Variants in DNAJC5 observed in about 807,000 individuals in gnomAD.
DNAJC5 encodes DnaJ heat shock protein family (Hsp40) member C5.
In DNAJC5, 1 loss-of-function variant was observed where a neutral mutation model predicts 23.2. The ratio of observed to expected loss-of-function variants is 0.04; its 90% CI spans 0.02 to 0.20. The LOEUF (loss-of-function observed/expected upper bound fraction) is 0.20, where lower values mean the gene tolerates loss of function less well. DNAJC5 is among the 10% of genes least tolerant of loss of function. DNAJC5 has a pLI of 1.00. For synonymous variants in DNAJC5, 136 were observed against 120.0 expected (o/e 1.13, Z -0.87); for missense variants, 180 against 267.0 (o/e 0.67, Z 2.27).
At chr20:63,904,245 A>G (rs992622707) in intron 1 of DNAJC5, among the ~76,000 whole-genome samples, 2 of 152,298 alleles carry the variant, frequency 1.3e-5, no homozygotes, top group African/African-American at 4.8e-5. Context: ...AGCACAAATA[A>G]TGTCATCATA....
chr20:63,897,982 C>T (rs1204526200), intron 1 of DNAJC5, among the ~76,000 whole-genome samples: 1 of 152,210 alleles, frequency 6.6e-6, no homozygotes, highest in Non-Finnish European at 1.5e-5. Flanking sequence ...AGGCATTTTT[C>T]CTCAGTTCCC....
intron 1 of DNAJC5, among the ~76,000 whole-genome samples, chr20:63,901,107 G>C (rs2053408465): frequency 6.6e-6 from 1 of 152,208 alleles, no homozygotes; most frequent in African/African-American, 2.4e-5. Flanking sequence ...TGGAATTACA[G>C]GCGTGTGCCA....
At chr20:63,914,929 T>G (rs1210633128) in intron 1 of DNAJC5, among the ~76,000 whole-genome samples, 1 of 152,174 alleles carries the variant, frequency 6.6e-6, no homozygotes, top group African/African-American at 2.4e-5. Flanking sequence ...GTGTGTAGCT[T>G]TTGTAAAAGT....
intron 1 of DNAJC5, among the ~76,000 whole-genome samples, chr20:63,921,157 C>T (rs903133923): frequency 5.3e-5 from 8 of 152,206 alleles, no homozygotes; most frequent in Admixed American, 5.2e-4. Flanking sequence ...TGGGGTTTCT[C>T]CATGTTGGTC....
Position 63,931,131 on chromosome 20 carries a change from G to A in DNAJC5, c.493+109G>A, listed in dbSNP as rs931497629. 4.8e-5 allele frequency: 58 copies of A among 1,219,222 alleles called. No individual in the cohort carries two copies. The highest frequency in any genetic ancestry group is 6.7e-5 in the Non-Finnish European group (57 of 850,466). The allele number at this position is 1,219,222 out of a possible 1,614,324, so 75.5% of individuals were successfully genotyped here. On this transcript the variant is annotated intron_variant, in intron 4 of 4. Coordinates refer to ENST00000360864, the MANE Select transcript of DNAJC5 (RefSeq NM_025219.3). The surrounding 1 kb of genome is among the most constrained non-coding windows in gnomAD (Gnocchi z 9.6). ...CAGGAGGGCACTGACACTGTGCCGC[G>A]AGTGTTTGTGGTGGCAGCTGGGACT...
chr20:63,916,078 C>T (rs552902306), intron 1 of DNAJC5, among the ~76,000 whole-genome samples: 33 of 152,240 alleles, frequency 2.2e-4, no homozygotes, highest in African/African-American at 6.5e-4. Flanking sequence ...GGATTACAGG[C>T]GTGCACCACC....
rs565192822 is a variant in DNAJC5 at position 63,932,044 on chromosome 20, T to C, written c.*476T>C. On this transcript the variant is annotated 3_prime_UTR_variant, in exon 5 of 5. Transcript: ENST00000360864. The surrounding 1 kb of genome is among the most constrained non-coding windows in gnomAD (Gnocchi z 4.4). ...TGGCCTCGGGGTCTGGTCCACACTCTGTGCTCCCAGCCTTGAGGCTGCAGT... is the reference window on the plus strand; with the variant it reads ...TGGCCTCGGGGTCTGGTCCACACTCCGTGCTCCCAGCCTTGAGGCTGCAGT... 3.7e-5 allele frequency: 10 copies of C among 266,838 alleles called. No homozygotes were observed. The South Asian group carries it at 3.8e-4, about 10-fold the overall frequency. 16.5% of individuals were successfully genotyped at this position (266,838 alleles called of 1,614,324 possible). A position where few individuals can be genotyped will look rare whatever the true frequency, so the allele number is the denominator to read the frequency against.
intron 1 of DNAJC5, among the ~76,000 whole-genome samples, chr20:63,902,358 C>CTTTTTTT (rs34309020): frequency 1.2e-5 from 1 of 83,328 alleles, no homozygotes; most frequent in Non-Finnish European, 2.2e-5. Flanking sequence ...CTGGCCTCAT[C>CTTTTTTT]TTTTTTTTTT....
rs1467545495 is a variant in DNAJC5, at chr20:63,931,441, G to A, written c.494-24G>A. 6 of 1,538,880 alleles carry A rather than the reference G, an allele frequency of 3.9e-6. No homozygotes were observed. The highest frequency in any genetic ancestry group is 1.4e-5 in the African/African-American group (1 of 73,052). On this transcript the variant is annotated intron_variant, in intron 4 of 4. Transcript: ENST00000360864. The surrounding 1 kb of genome is among the most constrained non-coding windows in gnomAD (Gnocchi z 9.6). Reference sequence around the variant, plus strand: ...CGCGCCAGGCTGTGGCCCTCGTGCAGTGCCCTGTGTGCTTGCTTTTCAGAG... The same window carrying A: ...CGCGCCAGGCTGTGGCCCTCGTGCAATGCCCTGTGTGCTTGCTTTTCAGAG...
intron 3 of DNAJC5, 143 bp from the exon 4 acceptor site, chr20:63,930,708 T>G: frequency 7.4e-7 from 1 of 1,344,876 alleles, no homozygotes; most frequent in Non-Finnish European, 1.0e-6. Context: ...CTTCTTCAGT[T>G]CTTTCCTTCT....
At chr20:63,908,473 A>G (rs1375851629) in intron 1 of DNAJC5, among the ~76,000 whole-genome samples, 3 of 152,198 alleles carry the variant, frequency 2.0e-5, no homozygotes, top group African/African-American at 7.2e-5. Flanking sequence ...AGTCCACTGT[A>G]CAGTGGGGTG....
chr20:63,912,981 T>C (rs1292879644), intron 1 of DNAJC5, among the ~76,000 whole-genome samples: 1 of 84,942 alleles, frequency 1.2e-5, no homozygotes. Context: ...ATGCCAGTTG[T>C]ATTTTATTTT....
At chr20:63,924,224 T>C (rs1330083415) in intron 1 of DNAJC5, among the ~76,000 whole-genome samples, 1 of 152,122 alleles carries the variant, frequency 6.6e-6, no homozygotes, top group Non-Finnish European at 1.5e-5. Context: ...AAAAAAATCC[T>C]CTTGGATTAG....
At position 63,931,541 on chromosome 20, in the gene DNAJC5, C is replaced by G; in HGVS notation, c.570C>G (p.Pro190=). 6.3e-7 allele frequency: 1 copy of G among 1,581,784 alleles called. No homozygotes were observed. Among genetic ancestry groups the G allele is most frequent in the Non-Finnish European group, 8.6e-7 (1 of 1,168,086 alleles). The stretch of plus-strand genomic sequence containing the variant: ...CCCAGCTCACAGCCGACTCCCACCC[C>G]AGCTACCACACTGACGGGTTCAACT... ...ETTQLTADSH[P]SYHTDGFN is the part of the protein sequence containing the mutation. The change falls in exon 5 of 5, where the codon CCC becomes CCG. Residue 190 remains proline, a synonymous_variant. Coordinates refer to ENST00000360864, the MANE Select transcript of DNAJC5 (RefSeq NM_025219.3). The surrounding 1 kb of genome is among the most constrained non-coding windows in gnomAD (Gnocchi z 9.6).
intron 1 of DNAJC5, among the ~76,000 whole-genome samples, chr20:63,919,092 G>T (rs1159629148): frequency 6.6e-6 from 1 of 152,142 alleles, no homozygotes; most frequent in South Asian, 2.1e-4. Context: ...ATTGCACCTG[G>T]AAGTACAGAA....
intron 1 of DNAJC5, among the ~76,000 whole-genome samples, chr20:63,910,628 C>T (rs1040023627): frequency 3.3e-5 from 5 of 150,704 alleles, no homozygotes; most frequent in South Asian, 2.1e-4. Flanking sequence ...GCATGAGTGT[C>T]GTGTTGGATA....
At chr20:63,905,500 C>G (rs917018625) in intron 1 of DNAJC5, among the ~76,000 whole-genome samples, 1 of 151,868 alleles carries the variant, frequency 6.6e-6, no homozygotes, top group South Asian at 2.1e-4. Flanking sequence ...GCCTTCACCT[C>G]TGGGCTCGAG....
rs2053652462 is a variant in DNAJC5 at position 63,929,948 on chromosome 20, C to T, written c.321+423C>T. Among the ~76,000 whole-genome samples, 1 of 151,990 alleles carries T rather than the reference C, an allele frequency of 6.6e-6. No individual in the cohort carries two copies. Among genetic ancestry groups the T allele is most frequent in the Non-Finnish European group, 1.5e-5 (1 of 67,988 alleles). On this transcript the variant is annotated intron_variant, in intron 3 of 4. Coordinates refer to ENST00000360864, the MANE Select transcript of DNAJC5 (RefSeq NM_025219.3). This position sits in a 1 kb window ranked among gnomAD's most constrained non-coding sequence, Gnocchi z 8.6. ...AACAAGCCATAGCGTACAGATTGTC[C>T]CAGGGAAGAGCCGTGCGGAGCCGCC...
chr20:63,924,257 C>T (rs753701942), intron 1 of DNAJC5, among the ~76,000 whole-genome samples: 11 of 152,210 alleles, frequency 7.2e-5, no homozygotes, highest in Non-Finnish European at 1.2e-4. Flanking sequence ...GTCAAGTCTA[C>T]AGATCAGTTT....
Sources: allele counts gnomAD v4.1 joint callset (sites outside exome capture counted in the v4.1 genomes callset), GRCh38; gene constraint gnomAD v4.1.1; non-coding constraint Gnocchi (gnomAD v3.1); transcripts MANE v1.5; gene names NCBI Gene and HGNC (gene_info 2026-07-23, HGNC 2026-07-21).